The following ZMIZ1 variants were observed in gnomAD, a reference collection of about 807,000 sequenced individuals.
ZMIZ1 encodes zinc finger MIZ-type containing 1.
A neutral mutation model predicts 113.9 loss-of-function variants in ZMIZ1; 17 were observed. That is an observed-to-expected ratio of 0.15 (90% CI 0.10 to 0.22). The LOEUF (loss-of-function observed/expected upper bound fraction) is 0.22, where lower values mean the gene tolerates loss of function less well. Ranked by LOEUF, ZMIZ1 falls within the 10% of genes least tolerant of loss-of-function variation. The probability of loss-of-function intolerance (pLI) is 1.00; values close to 1 mark genes in which losing one functional copy is unlikely to be tolerated. For synonymous variants in ZMIZ1, 607 were observed against 603.1 expected (o/e 1.01, Z -0.09); for missense variants, 1,059 against 1,477.8 (o/e 0.72, Z 4.65).
intron 2 of ZMIZ1, among the ~76,000 whole-genome samples, chr10:79,126,415 GC>G (rs951147157): frequency 6.6e-5 from 10 of 152,206 alleles, no homozygotes; most frequent in African/African-American, 2.4e-4. Context: ...GGGTCTAGGG[GC>G]TCTGAAGGCC....
At chr10:79,232,091 A>G (rs1195012150) in intron 7 of ZMIZ1, among the ~76,000 whole-genome samples, 1 of 152,176 alleles carries the variant, frequency 6.6e-6, no homozygotes, top group Non-Finnish European at 1.5e-5. Context: ...GAGCTGTGTG[A>G]CTTTAAGGAA....
chr10:79,141,386 A>G (rs940177389), intron 3 of ZMIZ1, among the ~76,000 whole-genome samples: 2 of 152,170 alleles, frequency 1.3e-5, no homozygotes, highest in African/African-American at 4.8e-5. Context: ...TTAAGAAGAC[A>G]AATTTAGCCA....
At chr10:79,265,463 CT>C (rs869066608) in intron 7 of ZMIZ1, among the ~76,000 whole-genome samples, 1 of 131,732 alleles carries the variant, frequency 7.6e-6, no homozygotes, top group Admixed American at 7.5e-5. Context: ...CCTTTTTTTT[CT>C]TTTCTTTTTT....
At chr10:79,093,920 A>G (rs548439313) in intron 1 of ZMIZ1, among the ~76,000 whole-genome samples, 3 of 152,328 alleles carry the variant, frequency 2.0e-5, no homozygotes, top group African/African-American at 7.2e-5. Context: ...GATTTTTATC[A>G]GCTCGAGCAA....
intron 18 of ZMIZ1, among the ~76,000 whole-genome samples, chr10:79,302,703 TTTGA>T (rs1193155127): frequency 3.7e-5 from 5 of 135,962 alleles, no homozygotes; most frequent in African/African-American, 2.7e-5. Flanking sequence ...TTTTTTTTTT[TTTGA>T]GAGAGAGAGA....
chr10:79,185,270 C>T (rs144717156), intron 4 of ZMIZ1, among the ~76,000 whole-genome samples: 18 of 152,268 alleles, frequency 1.2e-4, no homozygotes, highest in African/African-American at 4.1e-4. Context: ...CCCTCCAAAA[C>T]GGATTCGCCC....
intron 1 of ZMIZ1, among the ~76,000 whole-genome samples, chr10:79,101,031 A>T (rs1843347766): frequency 6.6e-6 from 1 of 152,170 alleles, no homozygotes. Flanking sequence ...TTGAAGGAAG[A>T]GGGTGGAGCT....
At chr10:79,198,522 G>A (rs1224788216) in intron 4 of ZMIZ1, among the ~76,000 whole-genome samples, 1 of 152,156 alleles carries the variant, frequency 6.6e-6, no homozygotes, top group Non-Finnish European at 1.5e-5. Context: ...TGGTGGGTGG[G>A]ATGAATGGAG....
intron 3 of ZMIZ1, among the ~76,000 whole-genome samples, chr10:79,155,686 ACT>A (rs201138391): frequency 3.5e-3 from 535 of 152,314 alleles, no homozygotes; most frequent in African/African-American, 0.012. Context: ...GTAGATCAGG[ACT>A]GGACAGGGAG....
intron 23 of ZMIZ1, among the ~76,000 whole-genome samples, chr10:79,310,396 C>T (rs1316048741): frequency 5.3e-5 from 8 of 152,210 alleles, no homozygotes; most frequent in Admixed American, 5.2e-4. Context: ...CGCCTTCGTA[C>T]CCAGCATCAC....
At chr10:79,086,143 T>C (rs1842805280) in intron 1 of ZMIZ1, among the ~76,000 whole-genome samples, 1 of 152,156 alleles carries the variant, frequency 6.6e-6, no homozygotes, top group Non-Finnish European at 1.5e-5. Flanking sequence ...CTCACAAAAT[T>C]CTCACTTCTG....
chr10:79,107,407 G>A (rs1843599892), intron 1 of ZMIZ1, among the ~76,000 whole-genome samples: 1 of 152,188 alleles, frequency 6.6e-6, no homozygotes, highest in African/African-American at 2.4e-5. Context: ...ACCACACGGG[G>A]CTCTTGTGAG....
chr10:79,242,578 C>G (rs1340233291), intron 7 of ZMIZ1, among the ~76,000 whole-genome samples: 1 of 133,288 alleles, frequency 7.5e-6, no homozygotes, highest in Non-Finnish European at 1.6e-5. Flanking sequence ...CCGGCCGAGG[C>G]CCCCTCCAGT....
At chr10:79,175,583 CGTGT>C (rs757004699) in intron 4 of ZMIZ1, among the ~76,000 whole-genome samples, 5,253 of 125,268 alleles carry the variant, frequency 0.042, 164 homozygotes, top group South Asian at 0.075. Flanking sequence ...GTGCACTCTG[CGTGT>C]GTGTGTGTGT....
intron 1 of ZMIZ1, among the ~76,000 whole-genome samples, chr10:79,097,077 A>G (rs1044282250): frequency 6.6e-6 from 1 of 152,196 alleles, no homozygotes; most frequent in Non-Finnish European, 1.5e-5. Flanking sequence ...GGTGGGCACC[A>G]TGCATATCTT....
intron 3 of ZMIZ1, among the ~76,000 whole-genome samples, chr10:79,155,773 G>C (rs906412581): frequency 6.6e-6 from 1 of 152,246 alleles, no homozygotes; most frequent in African/African-American, 2.4e-5. Flanking sequence ...CCTGCTCACT[G>C]ATGCCCTCTG....
intron 2 of ZMIZ1, among the ~76,000 whole-genome samples, chr10:79,131,197 C>T (rs777023164): frequency 3.0e-4 from 46 of 152,316 alleles, no homozygotes; most frequent in Middle Eastern, 3.4e-3. Flanking sequence ...AGCAAAGTCA[C>T]CTCCAAGAAC....
intron 7 of ZMIZ1, among the ~76,000 whole-genome samples, chr10:79,217,342 G>A (rs1485882254): frequency 1.3e-5 from 2 of 152,074 alleles, no homozygotes; most frequent in African/African-American, 4.8e-5. Flanking sequence ...GGAGAATGGC[G>A]TGAACCCAGG....
intron 7 of ZMIZ1, among the ~76,000 whole-genome samples, chr10:79,229,259 G>A (rs1386476775): frequency 6.6e-6 from 1 of 152,254 alleles, no homozygotes; most frequent in African/African-American, 2.4e-5. Flanking sequence ...ACTGGGGACA[G>A]GGCGGTGGCC....
Sources: gnomAD v4.1 joint callset for allele counts (sites outside exome capture counted in the v4.1 genomes callset) on GRCh38, gnomAD v4.1.1 for gene constraint, MANE v1.5 for transcripts, NCBI Gene and HGNC (gene_info 2026-07-23, HGNC 2026-07-21) for gene names.